The following GPR63 variants were observed in gnomAD, a reference collection of about 807,000 sequenced individuals.
GPR63 encodes the protein probable G protein-coupled receptor 63.
Under a neutral mutation model 23.1 loss-of-function variants are expected in GPR63, and 12 were observed. The ratio of observed to expected loss-of-function variants is 0.52; its 90% CI spans 0.33 to 0.84. The LOEUF is 0.84. GPR63 is among the 40% of genes least tolerant of loss of function. GPR63 has a pLI of 0.02. For synonymous variants in GPR63, 172 were observed against 191.1 expected, an observed-to-expected ratio of 0.90 and a Z score of 0.82; for missense variants, 472 against 515.6, an observed-to-expected ratio of 0.92 and a Z score of 0.82.
intron 1 of GPR63, among the ~76,000 whole-genome samples, chr6:96,810,987 A>G (rs892835612): frequency 9.2e-5 from 14 of 152,180 alleles, no homozygotes; most frequent in African/African-American, 3.4e-4. Context: ...TGTGTATCCT[A>G]AAGTTGCTTA....
chr6:96,818,928 A>T (rs1398905129), intron 1 of GPR63, among the ~76,000 whole-genome samples: 1 of 152,242 alleles, frequency 6.6e-6, no homozygotes, highest in Non-Finnish European at 1.5e-5. Context: ...AAAGCTCATT[A>T]TCACTGGTGA....
chr6:96,804,959 T>A (rs571517375), intron 1 of GPR63, among the ~76,000 whole-genome samples: 2 of 152,220 alleles, frequency 1.3e-5, no homozygotes, highest in South Asian at 2.1e-4. Flanking sequence ...ATAACTTACA[T>A]ATTTATTCTC....
In GPR63 at chr6:96,796,114, C is replaced by T. The variant is rs1773573211; in HGVS notation, c.*2358G>A. 6.6e-6 allele frequency: 1 copy of T among 152,146 alleles called. No individual in the cohort carries two copies. The allele number at this position is 152,146 out of a possible 1,614,324, so 9.4% of individuals were successfully genotyped here. A position where few individuals can be genotyped will look rare whatever the true frequency, so the allele number is the denominator to read the frequency against. On this transcript the variant is annotated 3_prime_UTR_variant, in exon 2 of 2. Coordinates refer to ENST00000229955, the MANE Select transcript of GPR63 (RefSeq NM_030784.4). The stretch of plus-strand genomic sequence containing the variant: ...GAGTTTCCCAGATATTTCATGATGT[C>T]TTCAACCTTTCAATGCCCCAACTCC...
At chr6:96,812,961 T>C (rs1774079106) in intron 1 of GPR63, among the ~76,000 whole-genome samples, 1 of 152,158 alleles carries the variant, frequency 6.6e-6, no homozygotes, top group African/African-American at 2.4e-5. Context: ...TCTAACTGTA[T>C]GTTTGTATCC....
Position 96,797,652 on chromosome 6 carries a change from C to T in GPR63, c.*820G>A, listed in dbSNP as rs1232932195. The T allele has an allele frequency of 6.6e-6, 1 of 152,220 alleles. No individual in the cohort carries two copies. The highest frequency in any genetic ancestry group is 1.5e-5 in the Non-Finnish European group (1 of 68,062). 9.4% of individuals were successfully genotyped at this position (152,220 alleles called of 1,614,324 possible). A position where few individuals can be genotyped will look rare whatever the true frequency, so the allele number is the denominator to read the frequency against. On this transcript the variant is annotated 3_prime_UTR_variant, in exon 2 of 2. Transcript: ENST00000229955. ...CCTTCTCCCTATACTCCACAAAAACCCTTGAGTAAAAGGAATCACCACAGC... is the reference window on the plus strand; with the variant it reads ...CCTTCTCCCTATACTCCACAAAAACTCTTGAGTAAAAGGAATCACCACAGC...
intron 1 of GPR63, among the ~76,000 whole-genome samples, chr6:96,822,784 T>C (rs1422475045): frequency 2.6e-5 from 4 of 152,176 alleles, no homozygotes; most frequent in Non-Finnish European, 5.9e-5. Flanking sequence ...TGGTAACTAC[T>C]GGGTTATGCC....
rs2127940364 is a variant in GPR63 at position 96,798,593 on chromosome 6, T to C, written c.1139A>G (p.Asp380Gly). Reference sequence around the variant, plus strand: ...CTTAGGCATCATGTCCAGGCAAGCATCATGGAATTTCTTAATCCTCCAGTA... The same window carrying C: ...CTTAGGCATCATGTCCAGGCAAGCACCATGGAATTTCTTAATCCTCCAGTA... ...IYYWRIKKFH[D>G]ACLDMMPKSF... Residue 380 changes from aspartate (D) to glycine (G), a missense_variant, in exon 2 of 2, where the codon GAT becomes GGT. Coordinates refer to ENST00000229955, the MANE Select transcript of GPR63 (RefSeq NM_030784.4). 1 of 1,614,190 alleles carries C rather than the reference T, an allele frequency of 6.2e-7. No homozygotes were observed. The highest frequency in any genetic ancestry group is 1.1e-5 in the South Asian group (1 of 91,080).
intron 1 of GPR63, among the ~76,000 whole-genome samples, chr6:96,832,725 C>T (rs894122268): frequency 1.3e-5 from 2 of 151,902 alleles, no homozygotes; most frequent in African/African-American, 4.8e-5. Flanking sequence ...ATCTGTACAA[C>T]AGAGCCCCTC....
chr6:96,801,246 T>C (rs996080404), intron 1 of GPR63, among the ~76,000 whole-genome samples: 4 of 151,552 alleles, frequency 2.6e-5, no homozygotes, highest in Non-Finnish European at 4.4e-5. Flanking sequence ...GTCTCACTCT[T>C]GTTGCCCAGA....
rs533154818 is a variant in GPR63, at chr6:96,829,164, T to C, written c.-151+8104A>G. Among the ~76,000 whole-genome samples the C allele has an allele frequency of 1.1e-4, 16 of 152,280 alleles. No individual in the cohort carries two copies. The South Asian group carries it at 2.9e-3, about 28-fold the overall frequency. Reference sequence around the variant, plus strand: ...TCTTATAGATACACATGAAACTGCATCCAGTAGCTAGAGAATACACATCGT... The same window carrying C: ...TCTTATAGATACACATGAAACTGCACCCAGTAGCTAGAGAATACACATCGT... On this transcript the variant is annotated intron_variant, in intron 1 of 1. Coordinates refer to ENST00000229955, the MANE Select transcript of GPR63 (RefSeq NM_030784.4).
At chr6:96,808,439 G>A (rs1345444471) in intron 1 of GPR63, among the ~76,000 whole-genome samples, 1 of 152,106 alleles carries the variant, frequency 6.6e-6, no homozygotes, top group Non-Finnish European at 1.5e-5. Flanking sequence ...TTTCCCATGG[G>A]GTTGCTAAAA....
At chr6:96,810,933 C>G (rs1009803394) in intron 1 of GPR63, among the ~76,000 whole-genome samples, 18 of 152,180 alleles carry the variant, frequency 1.2e-4, no homozygotes, top group Non-Finnish European at 2.4e-4. Flanking sequence ...AGGATGCAAG[C>G]TGCAACCTAT....
chr6:96,798,358 C>A lies in GPR63; in HGVS notation c.*114G>T, dbSNP rs1420039935. 8 of 1,013,758 alleles carry A rather than the reference C, an allele frequency of 7.9e-6. No homozygotes were observed. The African/African-American group carries it at 1.3e-4, about 16-fold the overall frequency. 62.8% of individuals were successfully genotyped at this position (1,013,758 alleles called of 1,614,324 possible). Reference sequence around the variant, plus strand: ...TACCATTCTTTCTTTACACTGCTCACACACATACATACACAAACCCTATAA... The same window carrying A: ...TACCATTCTTTCTTTACACTGCTCAAACACATACATACACAAACCCTATAA... On this transcript the variant is annotated 3_prime_UTR_variant, in exon 2 of 2. Coordinates refer to ENST00000229955, the MANE Select transcript of GPR63 (RefSeq NM_030784.4).
At chr6:96,807,612 T>C (rs1355403778) in intron 1 of GPR63, among the ~76,000 whole-genome samples, 1 of 152,174 alleles carries the variant, frequency 6.6e-6, no homozygotes, top group Admixed American at 6.5e-5. Context: ...AGAAAGCTAA[T>C]AATCACCTCC....
At chr6:96,810,908 G>C (rs952383111) in intron 1 of GPR63, among the ~76,000 whole-genome samples, 1 of 152,018 alleles carries the variant, frequency 6.6e-6, no homozygotes, top group Non-Finnish European at 1.5e-5. Flanking sequence ...CCTGTTTCCT[G>C]TATAAAATTC....
intron 1 of GPR63, among the ~76,000 whole-genome samples, chr6:96,816,176 T>C (rs1648929848): frequency 6.6e-6 from 1 of 152,156 alleles, no homozygotes. Flanking sequence ...AAATCATAAA[T>C]AGAAGACGCA....
chr6:96,827,270 A>G (rs1338666771), intron 1 of GPR63, among the ~76,000 whole-genome samples: 1 of 152,156 alleles, frequency 6.6e-6, no homozygotes, highest in African/African-American at 2.4e-5. Flanking sequence ...TTAAAAACTA[A>G]ATCGACAAAG....
At chr6:96,807,829 T>G (rs184813882) in intron 1 of GPR63, among the ~76,000 whole-genome samples, 14 of 152,286 alleles carry the variant, frequency 9.2e-5, no homozygotes, top group African/African-American at 3.1e-4. Flanking sequence ...TTAAGCTCTT[T>G]GAATATGTTA....
intron 1 of GPR63, among the ~76,000 whole-genome samples, chr6:96,800,890 C>T (rs1304000498): frequency 6.6e-6 from 1 of 152,316 alleles, no homozygotes; most frequent in East Asian, 1.9e-4. Context: ...AACTTACAAA[C>T]ATATTTAGTT....
Sources: allele counts gnomAD v4.1 joint callset (sites outside exome capture counted in the v4.1 genomes callset), GRCh38; gene constraint gnomAD v4.1.1; transcripts MANE v1.5; gene names NCBI Gene and HGNC (gene_info 2026-07-23, HGNC 2026-07-21).